Variants in BSN observed in about 807,000 individuals in gnomAD.
BSN encodes protein bassoon.
A neutral mutation model predicts 264.8 loss-of-function variants in BSN; 57 were observed. The observed-to-expected ratio is 0.22, with a 90% CI of 0.17 to 0.27. BSN has a LOEUF of 0.27. BSN is among the 10% of genes least tolerant of loss of function. The probability of loss-of-function intolerance (pLI) is 1.00; values close to 1 mark genes in which losing one functional copy is unlikely to be tolerated. For synonymous variants in BSN, 2,059 were observed against 2,137.3 expected (o/e 0.96, Z 1.01); for missense variants, 4,615 against 5,232.5 (o/e 0.88, Z 3.64).
At chr3:49,640,119 A>G (rs563372303) in intron 2 of BSN, among the ~76,000 whole-genome samples, 17 of 152,354 alleles carry the variant, frequency 1.1e-4, no homozygotes, top group African/African-American at 2.9e-4. Context: ...TGGGTGGCCA[A>G]TAGGGTGCAT....
At chr3:49,559,866 A>G (rs1476224766) in intron 1 of BSN, among the ~76,000 whole-genome samples, 3 of 152,226 alleles carry the variant, frequency 2.0e-5, no homozygotes, top group Non-Finnish European at 4.4e-5. Context: ...AAGAAATTCT[A>G]GCTTTTTAAA....
rs781038303 is a variant in BSN at position 49,652,027 on chromosome 3, C to G, written c.2471C>G (p.Ser824Cys). The change falls in exon 5 of 12, where the codon TCC becomes TGC. Residue 824 changes from serine (S) to cysteine (C), a missense_variant. By Grantham distance (112) the Ser-to-Cys change is moderately radical. Transcript: ENST00000296452. ...YVEDSSEGGL[S>C]PLPPQPPARA... Reference sequence around the variant, plus strand: ...GAGGACAGCAGTGAGGGTGGCCTGTCCCCTCTTCCACCCCAGCCCCCAGCC... The same window carrying G: ...GAGGACAGCAGTGAGGGTGGCCTGTGCCCTCTTCCACCCCAGCCCCCAGCC... 8.1e-6 allele frequency: 13 copies of G among 1,611,598 alleles called. No homozygotes were observed. Among genetic ancestry groups the G allele is most frequent in the Admixed American group, 1.7e-5 (1 of 59,896 alleles).
In BSN at chr3:49,653,049, A is replaced by G; in HGVS notation, c.3493A>G (p.Thr1165Ala). The change falls in exon 5 of 12, where the codon ACC (threonine) becomes GCC (alanine). Residue 1165 changes from threonine (T) to alanine (A), a missense_variant. Coordinates refer to ENST00000296452, the MANE Select transcript of BSN (RefSeq NM_003458.4). This position sits in a 1 kb window ranked among gnomAD's most constrained non-coding sequence, Gnocchi z 6.3. ...LPTFMSLYSP[T>A]ETPSGSSTTP... ...CACCTTCATGTCCCTCTACTCACCA[A>G]CCGAGACACCCTCCGGCAGCTCCAC... 6.2e-7 allele frequency: 1 copy of G among 1,613,398 alleles called. No individual in the cohort carries two copies. The highest frequency in any genetic ancestry group is 8.5e-7 in the Non-Finnish European group (1 of 1,180,000).
chr3:49,647,995 G>A (rs1356340582), intron 3 of BSN, among the ~76,000 whole-genome samples: 3 of 152,250 alleles, frequency 2.0e-5, no homozygotes, highest in Non-Finnish European at 4.4e-5. Flanking sequence ...AGAGCCAGGA[G>A]CAAGAGGGCC....
intron 1 of BSN, among the ~76,000 whole-genome samples, chr3:49,578,827 A>G (rs932375735): frequency 2.6e-5 from 4 of 152,058 alleles, no homozygotes; most frequent in African/African-American, 9.7e-5. Flanking sequence ...CTAATCTACT[A>G]TCCACCTCTC....
chr3:49,648,026 G>A (rs2052513277), intron 3 of BSN, among the ~76,000 whole-genome samples: 1 of 152,262 alleles, frequency 6.6e-6, no homozygotes, highest in South Asian at 2.1e-4. Context: ...CCTGCAACCT[G>A]GCTGTCTCCA....
In BSN at chr3:49,658,052, C is replaced by T. The variant is rs892729257; in HGVS notation, c.8496C>T (p.Ser2832=). Residue 2832 remains serine, a synonymous_variant, in exon 5 of 12, where the codon AGC becomes AGT. Coordinates refer to ENST00000296452, the MANE Select transcript of BSN (RefSeq NM_003458.4). ...VSPQKHFTAD[S]ALRQQTLPRP... ...CCCAGAAGCACTTCACGGCTGACAGCGCTCTCCGCCAGCAGACGCTGCCTC... is the reference window on the plus strand; with the variant it reads ...CCCAGAAGCACTTCACGGCTGACAGTGCTCTCCGCCAGCAGACGCTGCCTC... 23 of 1,613,306 alleles carry T rather than the reference C, an allele frequency of 1.4e-5. No homozygotes were observed. Among genetic ancestry groups the T allele is most frequent in the Middle Eastern group, 1.6e-4 (1 of 6,080 alleles).
At chr3:49,629,281 G>A (rs1372226590) in intron 2 of BSN, among the ~76,000 whole-genome samples, 3 of 152,212 alleles carry the variant, frequency 2.0e-5, no homozygotes, top group South Asian at 2.1e-4. Flanking sequence ...CCACCTTTCC[G>A]TTCTTCAGTG....
intron 1 of BSN, among the ~76,000 whole-genome samples, chr3:49,603,843 C>T (rs1314759010): frequency 6.6e-6 from 1 of 152,136 alleles, no homozygotes; most frequent in South Asian, 2.1e-4. Flanking sequence ...AGCAGTTGCT[C>T]CCCATTTTCC....
At chr3:49,582,043 T>C (rs2108016416) in intron 1 of BSN, among the ~76,000 whole-genome samples, 1 of 152,324 alleles carries the variant, frequency 6.6e-6, no homozygotes, top group South Asian at 2.1e-4. Flanking sequence ...GGTAATTTTA[T>C]GTTAGGCTTT....
intron 9 of BSN, 85 bp from the exon 10 acceptor site, chr3:49,664,714 G>C (rs1455568458): frequency 6.3e-7 from 1 of 1,585,000 alleles, no homozygotes; most frequent in African/African-American, 1.3e-5. Context: ...CTTGGGCTGA[G>C]CTTGCCTTCA....
chr3:49,645,254 CT>C (rs1219758898), intron 3 of BSN, among the ~76,000 whole-genome samples: 1 of 152,244 alleles, frequency 6.6e-6, no homozygotes, highest in East Asian at 1.9e-4. Flanking sequence ...GTCTCTCTAA[CT>C]CCTTTCTCAT....
intron 5 of BSN, among the ~76,000 whole-genome samples, chr3:49,658,532 A>C (rs2052630183): frequency 6.6e-6 from 1 of 151,952 alleles, no homozygotes; most frequent in Admixed American, 6.5e-5. Flanking sequence ...TTCAGCTCTC[A>C]CTTCTAGTCT....
intron 1 of BSN, among the ~76,000 whole-genome samples, chr3:49,564,296 C>G (rs555799478): frequency 6.6e-6 from 1 of 152,178 alleles, no homozygotes; most frequent in Non-Finnish European, 1.5e-5. Context: ...CCACACTTAT[C>G]CAGCCTCATG....
chr3:49,606,199 TATATTATATATGTATATATTATATATAC>T (rs1575435880), intron 1 of BSN, among the ~76,000 whole-genome samples: 1 of 62,474 alleles, frequency 1.6e-5, no homozygotes, highest in African/African-American at 7.1e-5. Flanking sequence ...TATATATACA[TATATTATATATGTATATATTATATATAC>T]ATATATTATA....
intron 1 of BSN, among the ~76,000 whole-genome samples, chr3:49,595,468 C>T (rs1427404934): frequency 3.3e-5 from 5 of 151,884 alleles, no homozygotes; most frequent in African/African-American, 9.7e-5. Context: ...GGATTACAGG[C>T]GTGAGCCACT....
chr3:49,660,805 A>G lies in BSN; in HGVS notation c.8960A>G (p.Lys2987Arg), dbSNP rs1232023633. The change falls in exon 6 of 12, where the codon AAA (lysine) becomes AGA (arginine). Residue 2987 changes from lysine (K) to arginine (R), a missense_variant. By Grantham distance (26) the Lys-to-Arg change is conservative (BLOSUM62 2). This residue lies in a region of BSN where 3,415 missense variants were observed against 3,866.4 expected (regional missense o/e 0.88). Coordinates refer to ENST00000296452, the MANE Select transcript of BSN (RefSeq NM_003458.4). The surrounding 1 kb of genome is among the most constrained non-coding windows in gnomAD (Gnocchi z 7.1). ...KYLELGITQR[K>R]ESLAKDRGGR... ...CTGGAGTTGGGTATCACACAACGCA[A>G]AGAGTCTTTGGCCAAAGACCGGGGT... The G allele has an allele frequency of 5.6e-6, 9 of 1,613,182 alleles. No homozygotes were observed. The highest frequency in any genetic ancestry group is 6.8e-6 in the Non-Finnish European group (8 of 1,180,018).
chr3:49,653,221 G>A lies in BSN; in HGVS notation c.3665G>A (p.Arg1222Gln), dbSNP rs749619038. Residue 1222 changes from arginine to glutamine, a missense_variant, in exon 5 of 12, where the codon CGG (arginine) becomes CAG (glutamine). Physicochemically the swap from Arg to Gln is conservative, Grantham distance 43. This residue lies in a region of BSN where 3,415 missense variants were observed against 3,866.4 expected (regional missense o/e 0.88). Transcript: ENST00000296452. This position sits in a 1 kb window ranked among gnomAD's most constrained non-coding sequence, Gnocchi z 6.3. ...HGGPSQPTGP[R>Q]GLGSFEYQDT... ...GGCCCCTCTCAGCCCACAGGCCCCC[G>A]GGGCCTGGGCTCCTTCGAATATCAA... 5.8e-5 allele frequency: 93 copies of A among 1,611,366 alleles called. No homozygotes were observed. The highest frequency in any genetic ancestry group is 7.6e-5 in the Non-Finnish European group (90 of 1,179,530).
intron 1 of BSN, among the ~76,000 whole-genome samples, chr3:49,604,166 C>T (rs981094976): frequency 6.6e-6 from 1 of 152,028 alleles, no homozygotes; most frequent in African/African-American, 2.4e-5. Flanking sequence ...TCAAGTGATC[C>T]TCCTGCCTCA....
Sources: allele counts gnomAD v4.1 joint callset (sites outside exome capture counted in the v4.1 genomes callset), GRCh38; gene constraint gnomAD v4.1.1; regional missense constraint gnomAD v4.1.1; non-coding constraint Gnocchi (gnomAD v3.1); transcripts MANE v1.5; gene names NCBI Gene and HGNC (gene_info 2026-07-23, HGNC 2026-07-21).